Variants in NDUFB6 observed in about 807,000 individuals in gnomAD.
NDUFB6 encodes the protein NADH:ubiquinone oxidoreductase subunit B6, also known as NADH dehydrogenase [ubiquinone] 1 beta subcomplex subunit 6.
A neutral mutation model predicts 17.5 loss-of-function variants in NDUFB6; 23 were observed. The observed-to-expected ratio is 1.31, with a 90% confidence interval of 0.94 to 1.86. The LOEUF is 1.86. Ranked by LOEUF, NDUFB6 falls within the 40% of genes most tolerant of loss-of-function variation. The pLI, the probability that NDUFB6 is intolerant of heterozygous loss-of-function variation, is 0.00. For missense variants in NDUFB6, 167 were observed against 153.8 expected (o/e 1.09, Z -0.46); for synonymous variants, 60 against 53.5 (o/e 1.12, Z -0.53).
chr9:32,559,843 A>ACT (rs1587640792), intron 2 of NDUFB6, among the ~76,000 whole-genome samples: 3 of 152,062 alleles, frequency 2.0e-5, no homozygotes, highest in African/African-American at 7.2e-5. Context: ...GAGGGGAGGG[A>ACT]CTCAATCTGC....
At chr9:32,560,111 T>G (rs1275591987) in intron 2 of NDUFB6, among the ~76,000 whole-genome samples, 3 of 152,222 alleles carry the variant, frequency 2.0e-5, no homozygotes, top group Non-Finnish European at 2.9e-5. Flanking sequence ...ATCTGAGAGA[T>G]GCAGAATTCA....
chr9:32,558,791 G>A (rs965933068), intron 3 of NDUFB6, 119 bp downstream of exon 3: 1 of 616,058 alleles, frequency 1.6e-6, no homozygotes, highest in Admixed American at 2.9e-5. Flanking sequence ...ACACAAAACA[G>A]GGACTTAAAC....
At chr9:32,567,545 G>T in intron 2 of NDUFB6, 1 of 417,194 alleles carries the variant, frequency 2.4e-6, no homozygotes, top group Non-Finnish European at 4.9e-6. Context: ...GGCTGATCTT[G>T]AACTCCTCAC....
chr9:32,571,499 T>G (rs1821940789), intron 1 of NDUFB6, among the ~76,000 whole-genome samples: 1 of 152,180 alleles, frequency 6.6e-6, no homozygotes, highest in South Asian at 2.1e-4. Flanking sequence ...GCAGACAACC[T>G]TGACAACGCC....
In NDUFB6 at chr9:32,566,322, T is replaced by C; in HGVS notation, c.273+4638A>G. 5 of 1,174,372 alleles carry C rather than the reference T, an allele frequency of 4.3e-6. No individual in the cohort carries two copies. In the South Asian group the frequency reaches 4.9e-5, roughly 11 times the overall value. 72.7% of individuals were successfully genotyped at this position (1,174,372 alleles called of 1,614,324 possible). ...ATATTCCCAGTCCACTTCTCTTCCA[T>C]CTTGTTCTTTAACTGCTTCCACCAG... On this transcript the variant is annotated intron_variant, in intron 2 of 3. Transcript: ENST00000379847.
At chr9:32,570,019 G>A (rs894917542) in intron 2 of NDUFB6, among the ~76,000 whole-genome samples, 1 of 152,044 alleles carries the variant, frequency 6.6e-6, no homozygotes, top group Non-Finnish European at 1.5e-5. Flanking sequence ...TATCTCTGAG[G>A]TATGCCTGTA....
intron 2 of NDUFB6, chr9:32,566,138 T>G (rs1554674286): frequency 1.6e-6 from 1 of 632,052 alleles, no homozygotes; most frequent in Non-Finnish European, 2.9e-6. Context: ...GAGAATATGG[T>G]GTGTATATGT....
Position 32,553,857 on chromosome 9 carries a change from T to C in NDUFB6, c.*19A>G, listed in dbSNP as rs1250461338. The C allele has an allele frequency of 5.3e-6, 8 of 1,517,606 alleles. No individual in the cohort carries two copies. The highest frequency in any genetic ancestry group is 7.3e-6 in the Non-Finnish European group (8 of 1,096,382). The allele number at this position is 1,517,606 out of a possible 1,614,324, so 94.0% of individuals were successfully genotyped here. A position where few individuals can be genotyped will look rare whatever the true frequency, so the allele number is the denominator to read the frequency against. ...GAACAAACTTAGGCTCATAAGCCTTTTAACTTTTTACATAATCTTTAATGA... is the reference window on the plus strand; with the variant it reads ...GAACAAACTTAGGCTCATAAGCCTTCTAACTTTTTACATAATCTTTAATGA... On this transcript the variant is annotated 3_prime_UTR_variant, in exon 4 of 4. Coordinates refer to ENST00000379847, the MANE Select transcript of NDUFB6 (RefSeq NM_002493.5).
chr9:32,556,367 G>A (rs1340379409), intron 3 of NDUFB6, among the ~76,000 whole-genome samples: 10 of 152,220 alleles, frequency 6.6e-5, no homozygotes, highest in Non-Finnish European at 1.0e-4. Context: ...ACATCCTGCC[G>A]TATCTTTGTA....
Position 32,557,996 on chromosome 9 carries a change from T to C in NDUFB6, c.318+914A>G, listed in dbSNP as rs189494743. Among the ~76,000 whole-genome samples the C allele has an allele frequency of 1.3e-3, 199 of 152,348 alleles. 1 individual carries two copies. Among genetic ancestry groups the C allele is most frequent in the Non-Finnish European group, 1.7e-3 (116 of 68,028 alleles). On this transcript the variant is annotated intron_variant, in intron 3 of 3. Transcript: ENST00000379847. ...ATAGACAAGAACATAGTATGTATTC[T>C]ACTATGCTAAACAATAACCTCACAA...
intron 2 of NDUFB6, among the ~76,000 whole-genome samples, chr9:32,561,831 C>T (rs113351117): frequency 0.025 from 3,756 of 152,266 alleles, 147 homozygotes; most frequent in African/African-American, 0.084. Flanking sequence ...GCTATCTTCA[C>T]CCTAACCAGA....
chr9:32,566,150 A>C (rs1429165290), intron 2 of NDUFB6: 1 of 687,220 alleles, frequency 1.5e-6, no homozygotes, highest in African/African-American at 1.8e-5. Context: ...TGTATATGTC[A>C]CTGGCGCTTT....
intron 3 of NDUFB6, among the ~76,000 whole-genome samples, chr9:32,556,449 T>G (rs951121935): frequency 6.6e-6 from 1 of 152,236 alleles, no homozygotes; most frequent in African/African-American, 2.4e-5. Context: ...TTCACAGTAG[T>G]CTGTGATGTC....
chr9:32,571,348 T>G (rs10813837), intron 1 of NDUFB6, among the ~76,000 whole-genome samples: 54,717 of 152,096 alleles, frequency 0.36, 10,876 homozygotes, highest in South Asian at 0.47. Flanking sequence ...ATTATAAGTT[T>G]GTTAAAGATA....
rs1256219830 is a variant in NDUFB6, at chr9:32,558,203, CCAGGTT to C, written c.318+701_318+706del. On this transcript the variant is annotated intron_variant, in intron 3 of 3. Transcript: ENST00000379847. ...CTCGGCTCACTGCAAGCTCCACCTC[CCAGGTT>C]CACGCCATTCTCCTGCCTCAGCCTC... Among the ~76,000 whole-genome samples the C allele has an allele frequency of 2.6e-5, 4 of 150,974 alleles. No individual in the cohort carries two copies. In the East Asian group the frequency reaches 7.8e-4, roughly 30 times the overall value.
In NDUFB6 at chr9:32,553,258, G is replaced by A. The variant is rs930616345; in HGVS notation, c.*618C>T. On this transcript the variant is annotated 3_prime_UTR_variant, in exon 4 of 4. Coordinates refer to ENST00000379847, the MANE Select transcript of NDUFB6 (RefSeq NM_002493.5). ...CGCCCAGGCTCAGTGGCACTATCTC[G>A]GCTTACTGCAAGCTCCGCCTTCTGG... 1.0e-5 allele frequency: 2 copies of A among 196,146 alleles called. No individual in the cohort carries two copies. Among genetic ancestry groups the A allele is most frequent in the Non-Finnish European group, 1.0e-5 (1 of 95,240 alleles). 12.2% of individuals were successfully genotyped at this position (196,146 alleles called of 1,614,324 possible).
chr9:32,567,327 G>A (rs1181883650), intron 2 of NDUFB6: 2 of 469,508 alleles, frequency 4.3e-6, no homozygotes, highest in African/African-American at 4.0e-5. Context: ...CCATATTTTG[G>A]TAATTCTCCC....
intron 2 of NDUFB6, chr9:32,567,606 T>A (rs60733667): frequency 2.7e-6 from 1 of 370,988 alleles, no homozygotes; most frequent in African/African-American, 2.1e-5. Context: ...ATTACAGGTG[T>A]GAGCCACCAT....
chr9:32,567,435 T>A (rs2119030546), intron 2 of NDUFB6: 1 of 455,460 alleles, frequency 2.2e-6, no homozygotes, highest in Non-Finnish European at 4.4e-6. Context: ...TTCAAGGGAT[T>A]CTCCTGCCTC....
Sources: allele counts gnomAD v4.1 joint callset (sites outside exome capture counted in the v4.1 genomes callset), GRCh38; gene constraint gnomAD v4.1.1; transcripts MANE v1.5; gene names NCBI Gene and HGNC (gene_info 2026-07-23, HGNC 2026-07-21).